The following P4HA1 variants were observed in gnomAD, a reference collection of about 807,000 sequenced individuals.
The protein encoded by P4HA1 is prolyl 4-hydroxylase subunit alpha-1.
Under a neutral mutation model 72.8 loss-of-function variants are expected in P4HA1, and 24 were observed. The ratio of observed to expected loss-of-function variants is 0.33; its 90% confidence interval spans 0.24 to 0.46. The LOEUF (loss-of-function observed/expected upper bound fraction) is 0.46, where lower values mean the gene tolerates loss of function less well. Ranked by LOEUF, P4HA1 falls within the 20% of genes least tolerant of loss-of-function variation. P4HA1 has a pLI of 1.00. For missense variants in P4HA1, 446 were observed against 640.6 expected (o/e 0.70, Z 3.28); for synonymous variants, 201 against 218.8 (o/e 0.92, Z 0.72).
Position 73,011,009 on chromosome 10 carries a change from G to T in P4HA1, c.1397C>A (p.Thr466Asn). The T allele has an allele frequency of 1.9e-6, 3 of 1,613,844 alleles. No individual in the cohort carries two copies. Among genetic ancestry groups the T allele is most frequent in the Non-Finnish European group, 2.5e-6 (3 of 1,179,808 alleles). ...YMSDVSAGGA[T>N]VFPEVGASVW... is the part of the protein sequence containing the mutation. ...ACTAGCTCCAACTTCAGGAAAAACA[G>T]TGGCTCCTCCTGCAGACACATCACT... The change falls in exon 13 of 15, where the codon ACT (threonine) becomes AAT (asparagine). Residue 466 changes from threonine (T) to asparagine (N), a missense_variant. By Grantham distance (65) the Thr-to-Asn change is moderately conservative. Coordinates refer to ENST00000394890, the MANE Select transcript of P4HA1 (RefSeq NM_001017962.3).
chr10:73,086,553 T>C (rs1374336800), intron 1 of P4HA1, among the ~76,000 whole-genome samples: 1 of 152,212 alleles, frequency 6.6e-6, no homozygotes, highest in Non-Finnish European at 1.5e-5. Context: ...ACTGTGAATA[T>C]ATTAAAAGCC....
intron 14 of P4HA1, among the ~76,000 whole-genome samples, chr10:73,009,000 G>A (rs1839854157): frequency 6.6e-6 from 1 of 152,018 alleles, no homozygotes; most frequent in African/African-American, 2.4e-5. Flanking sequence ...TTTCACTGAT[G>A]CTTTAATCCA....
chr10:73,029,275 G>C (rs1454910230), intron 10 of P4HA1, among the ~76,000 whole-genome samples: 1 of 151,956 alleles, frequency 6.6e-6, no homozygotes, highest in Non-Finnish European at 1.5e-5. Context: ...GCTCAGTGTG[G>C]TGGCGCATGC....
At chr10:73,070,321 T>C (rs1228120645) in intron 4 of P4HA1, among the ~76,000 whole-genome samples, 1 of 151,590 alleles carries the variant, frequency 6.6e-6, no homozygotes, top group Non-Finnish European at 1.5e-5. Context: ...CAGGCCCGGC[T>C]AACTTTTATA....
At chr10:73,078,579 T>C (rs1841753730) in intron 1 of P4HA1, among the ~76,000 whole-genome samples, 1 of 150,754 alleles carries the variant, frequency 6.6e-6, no homozygotes, top group Non-Finnish European at 1.5e-5. Flanking sequence ...TAATTGTCTC[T>C]GGTTAGCAAA....
At chr10:73,081,607 A>G (rs184040690) in intron 1 of P4HA1, among the ~76,000 whole-genome samples, 23 of 152,318 alleles carry the variant, frequency 1.5e-4, no homozygotes, top group African/African-American at 5.1e-4. Context: ...CAGACTCAAC[A>G]GGTCAATCAA....
intron 9 of P4HA1, among the ~76,000 whole-genome samples, chr10:73,033,130 C>G (rs1840478536): frequency 1.3e-5 from 2 of 152,272 alleles, no homozygotes; most frequent in African/African-American, 4.8e-5. Context: ...GTCTTTCCTG[C>G]CTAGCACAAT....
chr10:73,083,687 T>A (rs1290076029), intron 1 of P4HA1, among the ~76,000 whole-genome samples: 1 of 152,326 alleles, frequency 6.6e-6, no homozygotes, highest in African/African-American at 2.4e-5. Context: ...TTCATCCCCA[T>A]ACAGCATGAT....
intron 10 of P4HA1, among the ~76,000 whole-genome samples, chr10:73,028,731 G>A (rs115859031): frequency 2.1e-4 from 32 of 149,628 alleles, no homozygotes; most frequent in African/African-American, 6.1e-4. Context: ...CACCAGACCC[G>A]GACAACAGTT....
intron 1 of P4HA1, among the ~76,000 whole-genome samples, chr10:73,086,946 A>G: frequency 6.6e-6 from 1 of 150,976 alleles, no homozygotes; most frequent in South Asian, 2.1e-4. Context: ...AAAAAAAAAA[A>G]AAAAAAAAAA....
intron 9 of P4HA1, among the ~76,000 whole-genome samples, chr10:73,034,464 C>A (rs1337267070): frequency 1.3e-5 from 2 of 152,120 alleles, no homozygotes; most frequent in Non-Finnish European, 2.9e-5. Flanking sequence ...TCCTCACAAC[C>A]CCTGGTAATC....
intron 1 of P4HA1, among the ~76,000 whole-genome samples, chr10:73,076,368 T>C (rs1403088115): frequency 6.6e-6 from 1 of 151,876 alleles, no homozygotes; most frequent in East Asian, 1.9e-4. Flanking sequence ...CTGTTTTTTT[T>C]TTTTTTTTAA....
chr10:73,056,432 G>C (rs1174214218), intron 5 of P4HA1, among the ~76,000 whole-genome samples: 1 of 151,624 alleles, frequency 6.6e-6, no homozygotes, highest in Non-Finnish European at 1.5e-5. Context: ...GGAAATTCGA[G>C]ACCAGCCTGG....
intron 1 of P4HA1, among the ~76,000 whole-genome samples, chr10:73,080,727 GAC>G (rs1841803466): frequency 6.6e-6 from 1 of 152,118 alleles, no homozygotes. Context: ...AGGAGTTTGA[GAC>G]CAGCCTGGCT....
At chr10:73,083,533 T>C (rs1341086241) in intron 1 of P4HA1, among the ~76,000 whole-genome samples, 3 of 152,230 alleles carry the variant, frequency 2.0e-5, no homozygotes, top group Admixed American at 2.0e-4. Flanking sequence ...GTCCTAAGTC[T>C]TTCCTGTCAG....
At chr10:73,095,631 C>T (rs773964722) in intron 1 of P4HA1, among the ~76,000 whole-genome samples, 3 of 152,014 alleles carry the variant, frequency 2.0e-5, no homozygotes, top group Admixed American at 6.6e-5. Context: ...GAGTGCATTC[C>T]AAGCGAAAGT....
intron 3 of P4HA1, among the ~76,000 whole-genome samples, chr10:73,072,943 G>A (rs770958603): frequency 5.9e-5 from 9 of 152,078 alleles, no homozygotes; most frequent in Non-Finnish European, 8.8e-5. Context: ...GCTGAGGAGG[G>A]CAGATCACCT....
chr10:73,076,088 T>TAAATA (rs1367620791), intron 1 of P4HA1, among the ~76,000 whole-genome samples: 7 of 151,902 alleles, frequency 4.6e-5, no homozygotes, highest in South Asian at 2.1e-4. Context: ...AAAACATGAA[T>TAAATA]AAATAAAATA....
Position 73,072,082 on chromosome 10 carries a change from A to G in P4HA1, c.272T>C (p.Leu91Pro). ...CTCCAACTCACTCCACTCAGTATTC[A>G]GACGTTTCATTAATTTGAATGCATT... ...PVNAFKLMKR[L>P]NTEWSELENL... Residue 91 changes from leucine (L) to proline (P), a missense_variant, in exon 4 of 15, where the codon CTG (leucine) becomes CCG (proline). By Grantham distance (98) the Leu-to-Pro change is moderately conservative (BLOSUM62 -3). Transcript: ENST00000394890. 1 of 1,613,312 alleles carries G rather than the reference A, an allele frequency of 6.2e-7. No homozygotes were observed. Among genetic ancestry groups the G allele is most frequent in the Non-Finnish European group, 8.5e-7 (1 of 1,179,290 alleles).
Sources: gnomAD v4.1 joint callset for allele counts (sites outside exome capture counted in the v4.1 genomes callset) on GRCh38, gnomAD v4.1.1 for gene constraint, MANE v1.5 for transcripts, NCBI Gene and HGNC (gene_info 2026-07-23, HGNC 2026-07-21) for gene names.